Variants in C2orf78 observed in about 807,000 individuals in gnomAD.
The protein encoded by C2orf78 is uncharacterized protein C2orf78.
C2orf78 carries 12 observed loss-of-function variants against 21.4 expected under a neutral mutation model. The ratio of observed to expected loss-of-function variants is 0.56; its 90% CI spans 0.36 to 0.91. The LOEUF (loss-of-function observed/expected upper bound fraction) is 0.91, where lower values mean the gene tolerates loss of function less well. Among genes scored for constraint, C2orf78 ranks in the 40% least tolerant of loss-of-function variants. The pLI is 0.01. For missense variants in C2orf78, 1,042 were observed against 1,092.4 expected, an observed-to-expected ratio of 0.95 and a Z score of 0.65; for synonymous variants, 396 against 413.9, an observed-to-expected ratio of 0.96 and a Z score of 0.52.
exon 2 of C2orf78, chr2:73,813,957 T>A: frequency 1.2e-6 from 2 of 1,614,046 alleles, no homozygotes; most frequent in Non-Finnish European, 1.7e-6. Context: ...CTAACTCAAA[T>A]TCCAAATCAG....
intron 1 of C2orf78, among the ~76,000 whole-genome samples, chr2:73,786,041 C>T (rs1367373724): frequency 2.0e-5 from 3 of 151,004 alleles, no homozygotes; most frequent in African/African-American, 4.9e-5. Context: ...AGGGAAACTC[C>T]GCTTCAAAAA....
exon 2 of C2orf78, chr2:73,813,845 G>T: frequency 6.2e-7 from 1 of 1,613,992 alleles, no homozygotes; most frequent in South Asian, 1.1e-5. Context: ...GAACACAGCT[G>T]TCTCTTCCAT....
At position 73,785,809 on chromosome 2, in the gene C2orf78, G is replaced by C. The variant is rs147312166; in HGVS notation, c.97+1403G>C. 9.7e-3 allele frequency among the ~76,000 whole-genome samples: 1,483 copies of C among 152,108 alleles called. 45 individuals are homozygous for C. The highest frequency in any genetic ancestry group is 0.032 in the African/African-American group (1,335 of 41,414). On this transcript the variant is annotated intron_variant, in intron 1 of 2. Coordinates refer to ENST00000409561, the Ensembl canonical transcript of C2orf78. ...CACCTGTAATCCCAGCACTTTGGGA[G>C]GCCGAGGTGGGCTGATCACCTGAGG... is the stretch of plus-strand genomic sequence containing the variant.
At chr2:73,815,809 G>C (rs932939179) in exon 3 of C2orf78, 1 of 1,613,848 alleles carries the variant, frequency 6.2e-7, no homozygotes, top group Non-Finnish European at 8.5e-7. Context: ...CTATTAGAGA[G>C]AGAAGTGGTT....
At chr2:73,810,786 T>C (rs1408494863) in intron 1 of C2orf78, among the ~76,000 whole-genome samples, 1 of 110,898 alleles carries the variant, frequency 9.0e-6, no homozygotes, top group Non-Finnish European at 1.8e-5. Flanking sequence ...AATATACATG[T>C]ATATTTTATA....
chr2:73,812,657 C>A (rs536773367), intron 1 of C2orf78, among the ~76,000 whole-genome samples: 1 of 152,038 alleles, frequency 6.6e-6, no homozygotes, highest in African/African-American at 2.4e-5. Context: ...AAAAAATTAG[C>A]CAGGCAGAGT....
chr2:73,786,000 C>A (rs1340180897), intron 1 of C2orf78, among the ~76,000 whole-genome samples: 1 of 151,806 alleles, frequency 6.6e-6, no homozygotes, highest in East Asian at 1.9e-4. Context: ...GAGCCAAGAT[C>A]GCGCCATTGC....
chr2:73,812,657 C>T (rs536773367), intron 1 of C2orf78, among the ~76,000 whole-genome samples: 1 of 152,156 alleles, frequency 6.6e-6, no homozygotes, highest in East Asian at 1.9e-4. Flanking sequence ...AAAAAATTAG[C>T]CAGGCAGAGT....
chr2:73,816,826 C>T, exon 3 of C2orf78: 1 of 1,614,010 alleles, frequency 6.2e-7, no homozygotes, highest in South Asian at 1.1e-5. Flanking sequence ...CCAGTAATGT[C>T]AACGCCCATC....
At chr2:73,784,677 G>A (rs1196838174) in intron 1 of C2orf78, among the ~76,000 whole-genome samples, 1 of 151,126 alleles carries the variant, frequency 6.6e-6, no homozygotes, top group East Asian at 1.9e-4. Flanking sequence ...CTAATACTGA[G>A]TCTTAAAGGG....
chr2:73,812,465 C>T (rs1453749091), intron 1 of C2orf78, among the ~76,000 whole-genome samples: 1 of 152,142 alleles, frequency 6.6e-6, no homozygotes, highest in African/African-American at 2.4e-5. Flanking sequence ...TATAGACAGG[C>T]AGCCTGAAGC....
exon 2 of C2orf78, chr2:73,813,924 C>G (rs758494626): frequency 6.2e-7 from 1 of 1,614,072 alleles, no homozygotes; most frequent in East Asian, 2.2e-5. Flanking sequence ...CCATCACTAT[C>G]TGCCAGCCTT....
exon 3 of C2orf78, chr2:73,816,077 C>A: frequency 3.7e-6 from 6 of 1,613,762 alleles, no homozygotes; most frequent in Non-Finnish European, 5.1e-6. Context: ...GCCAAAAGAC[C>A]CTTAAAAAGC....
intron 1 of C2orf78, among the ~76,000 whole-genome samples, chr2:73,792,476 C>A (rs1159501320): frequency 6.9e-6 from 1 of 144,732 alleles, no homozygotes; most frequent in Non-Finnish European, 1.5e-5. Context: ...CAGAGAGAGA[C>A]TCTGTCTCAA....
chr2:73,785,888 A>C (rs1177104455), intron 1 of C2orf78, among the ~76,000 whole-genome samples: 2 of 152,064 alleles, frequency 1.3e-5, no homozygotes, highest in East Asian at 3.9e-4. Flanking sequence ...CTCTACTAAA[A>C]ATACCAAATT....
rs377352231 is a variant in C2orf78, at chr2:73,814,137, T to A, written c.758T>A (p.Val253Asp). The A allele has an allele frequency of 2.5e-6, 4 of 1,611,860 alleles. No individual in the cohort carries two copies. The African/African-American group carries it at 5.3e-5, about 22-fold the overall frequency. The stretch of plus-strand genomic sequence containing the variant: ...GAAATGGTGATGGTGCTGAAGGAGG[T>A]TCAGCCCACAAATGTCCTACCACCA... Residue 253 changes from valine (V) to aspartate (D), a missense_variant, in exon 2 of 3, where the codon GTT (valine) becomes GAT (aspartate). Physicochemically the swap from Val to Asp is radical, Grantham distance 152. Coordinates refer to ENST00000409561, the Ensembl canonical transcript of C2orf78.
At chr2:73,809,151 C>T (rs1257112808) in intron 1 of C2orf78, among the ~76,000 whole-genome samples, 1 of 152,052 alleles carries the variant, frequency 6.6e-6, no homozygotes, top group South Asian at 2.1e-4. Flanking sequence ...TCCCCCTGGC[C>T]TTTTTCTTTT....
At chr2:73,812,645 G>T (rs1472833600) in intron 1 of C2orf78, among the ~76,000 whole-genome samples, 3 of 152,000 alleles carry the variant, frequency 2.0e-5, no homozygotes, top group Non-Finnish European at 4.4e-5. Context: ...TATTAAAAAT[G>T]CAAAAAATTA....
At chr2:73,811,879 A>T (rs1573200705) in intron 1 of C2orf78, among the ~76,000 whole-genome samples, 1 of 152,116 alleles carries the variant, frequency 6.6e-6, no homozygotes, top group East Asian at 1.9e-4. Flanking sequence ...AATACCTGTC[A>T]TTTGCTGGGT....
Sources: allele counts gnomAD v4.1 joint callset (sites outside exome capture counted in the v4.1 genomes callset), GRCh38; gene constraint gnomAD v4.1.1; transcripts MANE v1.5; gene names NCBI Gene and HGNC (gene_info 2026-07-23, HGNC 2026-07-21).